Variants in PCDHGB4 observed in about 807,000 individuals in gnomAD.
PCDHGB4 encodes protocadherin gamma-B4.
In PCDHGB4, 38 loss-of-function variants were observed where a neutral mutation model predicts 60.5. The observed-to-expected ratio is 0.63, with a 90% CI of 0.48 to 0.82. The LOEUF (loss-of-function observed/expected upper bound fraction) is 0.82. Among genes scored for constraint, PCDHGB4 ranks in the 40% least tolerant of loss-of-function variants. The pLI is 0.00. For synonymous variants in PCDHGB4, 456 were observed against 509.7 expected (o/e 0.89, Z 1.42); for missense variants, 1,109 against 1,209.6 (o/e 0.92, Z 1.23).
intron 1 of PCDHGB4, chr5:141,478,520 G>C (rs1474701976): frequency 1.2e-6 from 2 of 1,610,510 alleles, no homozygotes; most frequent in East Asian, 4.5e-5. Context: ...GCAGGTGTTG[G>C]GTGCAGAGAG....
chr5:141,501,304 C>T (rs1005430489), intron 2 of PCDHGB4, among the ~76,000 whole-genome samples: 104 of 151,340 alleles, frequency 6.9e-4, no homozygotes, highest in African/African-American at 2.2e-3. Flanking sequence ...CACACACACA[C>T]ACACACACAC....
rs780268305 is a variant in PCDHGB4, at chr5:141,410,637, T to G, written c.2397+20356T>G. 1.9e-6 allele frequency: 3 copies of G among 1,599,938 alleles called. No homozygotes were observed. In the South Asian group the frequency reaches 3.3e-5, roughly 18 times the overall value. ...CTGACTTCGGTGAGTTTCTCTTTTT[T>G]GTGTGTGATTTATCTAATAGTCTAC... On this transcript the variant is annotated intron_variant, in intron 1 of 3. Transcript: ENST00000519479.
At chr5:141,446,202 G>T (rs780900822) in intron 1 of PCDHGB4, among the ~76,000 whole-genome samples, 13 of 152,094 alleles carry the variant, frequency 8.5e-5, no homozygotes, top group Non-Finnish European at 1.8e-4. Context: ...ATATTCCTAG[G>T]TGTCTGAAAA....
At chr5:141,419,422 C>T (rs374564347) in intron 1 of PCDHGB4, 9 of 1,613,378 alleles carry the variant, frequency 5.6e-6, no homozygotes, top group Non-Finnish European at 7.6e-6. Flanking sequence ...GCGCCTTCGA[C>T]CACGAGCAGC....
chr5:141,420,061 G>C, intron 1 of PCDHGB4: 1 of 1,614,076 alleles, frequency 6.2e-7, no homozygotes. Flanking sequence ...TCTGCTCCAA[G>C]TCCGGACCTG....
intron 1 of PCDHGB4, among the ~76,000 whole-genome samples, chr5:141,472,145 A>G (rs1376068421): frequency 6.6e-6 from 1 of 152,244 alleles, no homozygotes; most frequent in Non-Finnish European, 1.5e-5. Flanking sequence ...TAAAAGTTTC[A>G]TGGTTACATA....
At chr5:141,419,663 G>A in intron 1 of PCDHGB4, 1 of 1,612,826 alleles carries the variant, frequency 6.2e-7, no homozygotes, top group Non-Finnish European at 8.5e-7. Flanking sequence ...GGGGCACAAT[G>A]CCTGGCTGTC....
chr5:141,488,711 A>G (rs184498001), intron 1 of PCDHGB4, among the ~76,000 whole-genome samples: 100 of 152,290 alleles, frequency 6.6e-4, no homozygotes, highest in Non-Finnish European at 1.2e-3. Context: ...TGCTGGTTCA[A>G]GCAAAGTGGT....
At chr5:141,466,275 A>G (rs1163982252) in intron 1 of PCDHGB4, among the ~76,000 whole-genome samples, 1 of 152,112 alleles carries the variant, frequency 6.6e-6, no homozygotes. Context: ...AGCTCAAGCA[A>G]TCTTCCCACC....
At chr5:141,414,473 G>T (rs371832510) in intron 1 of PCDHGB4, 1 of 1,613,908 alleles carries the variant, frequency 6.2e-7, no homozygotes, top group Non-Finnish European at 8.5e-7. Flanking sequence ...GATGGGGGAA[G>T]TCCTCCTCTA....
chr5:141,427,776 G>A (rs3828681), intron 1 of PCDHGB4: 73,622 of 1,424,156 alleles, frequency 0.052, 2,339 homozygotes, highest in African/African-American at 0.13. Flanking sequence ...GGAGCTGCGG[G>A]CACTGTCGTC....
At chr5:141,418,124 C>G (rs762154093) in intron 1 of PCDHGB4, 1 of 1,613,836 alleles carries the variant, frequency 6.2e-7, no homozygotes, top group African/African-American at 1.3e-5. Context: ...TGTGAAGGAC[C>G]GAATAGACCG....
At chr5:141,510,831 A>T (rs2154594660) in intron 3 of PCDHGB4, 116 bp from the exon 4 acceptor site, 1 of 1,577,022 alleles carries the variant, frequency 6.3e-7, no homozygotes, top group East Asian at 2.2e-5. Context: ...CCCAGTGCTC[A>T]GCGTGGTCAA....
chr5:141,456,308 T>C (rs2098849199), intron 1 of PCDHGB4, among the ~76,000 whole-genome samples: 1 of 152,156 alleles, frequency 6.6e-6, no homozygotes, highest in Non-Finnish European at 1.5e-5. Context: ...GAACAGCAGC[T>C]AGGGCTCCTC....
chr5:141,414,376 T>G, intron 1 of PCDHGB4: 1 of 1,613,824 alleles, frequency 6.2e-7, no homozygotes, highest in Non-Finnish European at 8.5e-7. Flanking sequence ...ATTAGAAAAG[T>G]CCATTGACAG....
At chr5:141,468,744 T>G (rs113912306) in intron 1 of PCDHGB4, among the ~76,000 whole-genome samples, 5,602 of 152,138 alleles carry the variant, frequency 0.037, 142 homozygotes, top group South Asian at 0.077. Flanking sequence ...CGGGTGCCTG[T>G]AGTCCCAGCT....
chr5:141,399,320 A>T (rs775357251), intron 1 of PCDHGB4: 2 of 1,614,010 alleles, frequency 1.2e-6, no homozygotes, highest in Non-Finnish European at 1.7e-6. Flanking sequence ...AAAAATTCGT[A>T]TAAGTTGGTA....
Position 141,476,876 on chromosome 5 carries a change from C to A in PCDHGB4, c.2398-17931C>A, listed in dbSNP as rs1201654822. 1.2e-6 allele frequency: 2 copies of A among 1,613,994 alleles called. No individual in the cohort carries two copies. Among genetic ancestry groups the A allele is most frequent in the Non-Finnish European group, 1.7e-6 (2 of 1,180,048 alleles). ...CCAGTCCTTGTACCGGGCGCGCGTC[C>A]TGGAGGATGCACCCTCCGGCACGCG... On this transcript the variant is annotated intron_variant, in intron 1 of 3. Transcript: ENST00000519479. The surrounding 1 kb of genome is among the most constrained non-coding windows in gnomAD (Gnocchi z 7.6).
intron 1 of PCDHGB4, chr5:141,412,903 G>T: frequency 5.3e-6 from 2 of 376,030 alleles, no homozygotes; most frequent in East Asian, 4.2e-5. Flanking sequence ...ACTTTCCATT[G>T]CATGTATCAC....
Sources: gnomAD v4.1 joint callset for allele counts (sites outside exome capture counted in the v4.1 genomes callset) on GRCh38, gnomAD v4.1.1 for gene constraint, Gnocchi (gnomAD v3.1) non-coding constraint, MANE v1.5 for transcripts, NCBI Gene and HGNC (gene_info 2026-07-23, HGNC 2026-07-21) for gene names.